Variants in PIP5K1C observed in about 807,000 individuals in gnomAD.
The protein encoded by PIP5K1C is phosphatidylinositol 4-phosphate 5-kinase type-1 gamma.
A neutral mutation model predicts 80.1 loss-of-function variants in PIP5K1C; 45 were observed. The observed-to-expected ratio is 0.56, with a 90% CI of 0.44 to 0.72. The LOEUF is 0.72. Among genes scored for constraint, PIP5K1C ranks in the 30% least tolerant of loss-of-function variants. The probability of loss-of-function intolerance (pLI) is 0.00; values close to 1 mark genes in which losing one functional copy is unlikely to be tolerated. For missense variants in PIP5K1C, 753 were observed against 954.6 expected (o/e 0.79, Z 2.78); for synonymous variants, 498 against 420.1 (o/e 1.19, Z -2.27).
At position 3,632,484 on chromosome 19, in the gene PIP5K1C, A is replaced by G. The variant is rs2033498347; in HGVS notation, c.*683T>C. 1 of 152,398 alleles carries G rather than the reference A, an allele frequency of 6.6e-6. No homozygotes were observed. Among genetic ancestry groups the G allele is most frequent in the African/African-American group, 2.4e-5 (1 of 41,452 alleles). 9.4% of individuals were successfully genotyped at this position (152,398 alleles called of 1,614,324 possible). ...GTGGTGGGTCTGGATTGGAGGCGCCAGAGGTTTTTGCTCGAGGGGCACCTG... is the reference window on the plus strand; with the variant it reads ...GTGGTGGGTCTGGATTGGAGGCGCCGGAGGTTTTTGCTCGAGGGGCACCTG... On this transcript the variant is annotated 3_prime_UTR_variant, in exon 18 of 18. Transcript: ENST00000335312.
At chr19:3,681,591 C>T (rs1278058371) in intron 1 of PIP5K1C, among the ~76,000 whole-genome samples, 2 of 152,094 alleles carry the variant, frequency 1.3e-5, no homozygotes, top group Non-Finnish European at 2.9e-5. Flanking sequence ...ACACACATCC[C>T]CCCGCGGGCT....
rs915052228 is a variant in PIP5K1C, at chr19:3,692,339, C to T, written c.94+7958G>A. ...TGCCGGCTCCCACCACGGCCCCCAACGCTCCCTACAGGGGCTCCTGGGGCC... is the reference window on the plus strand; with the variant it reads ...TGCCGGCTCCCACCACGGCCCCCAATGCTCCCTACAGGGGCTCCTGGGGCC... On this transcript the variant is annotated intron_variant, in intron 1 of 17. Transcript: ENST00000335312. This position sits in a 1 kb window ranked among gnomAD's most constrained non-coding sequence, Gnocchi z 5.2. 4.6e-5 allele frequency among the ~76,000 whole-genome samples: 7 copies of T among 152,166 alleles called. No individual in the cohort carries two copies. Among genetic ancestry groups the T allele is most frequent in the Non-Finnish European group, 8.8e-5 (6 of 68,018 alleles).
Position 3,637,376 on chromosome 19 carries a change from G to A in PIP5K1C, c.1920+1508C>T, listed in dbSNP as rs1393370416. On this transcript the variant is annotated intron_variant, in intron 16 of 17. Coordinates refer to ENST00000335312, the MANE Select transcript of PIP5K1C (RefSeq NM_012398.3). The surrounding 1 kb of genome is among the most constrained non-coding windows in gnomAD (Gnocchi z 7.0). ...GCATGCAGCCCAGCGCCTGGTCCGG[G>A]GCCAGCGTGGCTGACCTCAATTGCA... 1 of 1,535,304 alleles carries A rather than the reference G, an allele frequency of 6.5e-7. No individual in the cohort carries two copies. Among genetic ancestry groups the A allele is most frequent in the Admixed American group, 2.0e-5 (1 of 50,960 alleles).
At chr19:3,682,509 G>GC (rs1269727113) in intron 1 of PIP5K1C, among the ~76,000 whole-genome samples, 1 of 151,776 alleles carries the variant, frequency 6.6e-6, no homozygotes, top group East Asian at 1.9e-4. Context: ...GCAAGACATA[G>GC]CAAGACCCCA....
At chr19:3,636,798 G>A (rs1461724059) in intron 16 of PIP5K1C, 2 of 987,446 alleles carry the variant, frequency 2.0e-6, no homozygotes, top group African/African-American at 1.7e-5. Flanking sequence ...GGACACTCCT[G>A]CTTTGGGTCT....
chr19:3,687,189 G>C (rs569484594), intron 1 of PIP5K1C, among the ~76,000 whole-genome samples: 16 of 150,414 alleles, frequency 1.1e-4, no homozygotes, highest in Non-Finnish European at 2.1e-4. Flanking sequence ...GTGAGACTCC[G>C]ACTCAAAACA....
intron 1 of PIP5K1C, among the ~76,000 whole-genome samples, chr19:3,677,437 G>C (rs912246897): frequency 9.2e-5 from 14 of 151,950 alleles, no homozygotes; most frequent in Non-Finnish European, 2.1e-4. Context: ...ACAAAAATTA[G>C]GCGGGTGTGG....
In PIP5K1C at chr19:3,696,704, A is replaced by G. The variant is rs112571930; in HGVS notation, c.94+3593T>C. Reference sequence around the variant, plus strand: ...GGCCCATGGGCCTACAGCAGAGTGCAGACGGGAGGGCAGGGAGGGCAGAGT... The same window carrying G: ...GGCCCATGGGCCTACAGCAGAGTGCGGACGGGAGGGCAGGGAGGGCAGAGT... On this transcript the variant is annotated intron_variant, in intron 1 of 17. Coordinates refer to ENST00000335312, the MANE Select transcript of PIP5K1C (RefSeq NM_012398.3). The surrounding 1 kb of genome is among the most constrained non-coding windows in gnomAD (Gnocchi z 4.1). 0.019 allele frequency among the ~76,000 whole-genome samples: 2,278 copies of G among 120,370 alleles called. 69 individuals carry two copies. Among genetic ancestry groups the G allele is most frequent in the African/African-American group, 0.069 (2,087 of 30,074 alleles). 79.0% of individuals were successfully genotyped at this position (120,370 alleles called of 152,430 possible). A position where few individuals can be genotyped will look rare whatever the true frequency, so the allele number is the denominator to read the frequency against.
chr19:3,659,627 G>A (rs1222499163), intron 5 of PIP5K1C, among the ~76,000 whole-genome samples: 1 of 152,136 alleles, frequency 6.6e-6, no homozygotes, highest in African/African-American at 2.4e-5. Flanking sequence ...TCAGGCAAAC[G>A]CTGGGACACT....
Position 3,648,768 on chromosome 19 carries a change from G to T in PIP5K1C, c.1128-60C>A. On this transcript the variant is annotated intron_variant, in intron 8 of 17. Coordinates refer to ENST00000335312, the MANE Select transcript of PIP5K1C (RefSeq NM_012398.3). This position sits in a 1 kb window ranked among gnomAD's most constrained non-coding sequence, Gnocchi z 4.3. The stretch of plus-strand genomic sequence containing the variant: ...CGCAGAGCTGGGACTCGGGGCAGGC[G>T]GGGCTGGGGACTCCAGGGCTAGGGA... 6.8e-7 allele frequency: 1 copy of T among 1,462,048 alleles called. No individual in the cohort carries two copies. The highest frequency in any genetic ancestry group is 1.1e-5 in the South Asian group (1 of 87,644). The allele number at this position is 1,462,048 out of a possible 1,614,324, so 90.6% of individuals were successfully genotyped here. A position where few individuals can be genotyped will look rare whatever the true frequency, so the allele number is the denominator to read the frequency against.
chr19:3,697,280 C>T (rs2036149639), intron 1 of PIP5K1C, among the ~76,000 whole-genome samples: 1 of 111,134 alleles, frequency 9.0e-6, no homozygotes, highest in African/African-American at 3.6e-5. Context: ...AGGACCAAGC[C>T]GGATAGAGGA....
At position 3,648,909 on chromosome 19, in the gene PIP5K1C, C is replaced by T. The variant is rs569828176; in HGVS notation, c.1128-201G>A. ...CCCCAGCCTCAAACCCAGGCCCAGG[C>T]ACTGCTGAGGAGTCCCAGCTAGGAG... On this transcript the variant is annotated intron_variant, in intron 8 of 17. Transcript: ENST00000335312. This position sits in a 1 kb window ranked among gnomAD's most constrained non-coding sequence, Gnocchi z 4.3. 6.6e-6 allele frequency among the ~76,000 whole-genome samples: 1 copy of T among 152,146 alleles called. No individual in the cohort carries two copies. Among genetic ancestry groups the T allele is most frequent in the South Asian group, 2.1e-4 (1 of 4,834 alleles).
At chr19:3,679,776 C>G (rs759806719) in intron 1 of PIP5K1C, among the ~76,000 whole-genome samples, 7 of 152,196 alleles carry the variant, frequency 4.6e-5, no homozygotes. Flanking sequence ...GCAGTCAGGA[C>G]CTGCAGGGTT....
Position 3,633,150 on chromosome 19 carries a change from C to A in PIP5K1C, c.*17G>T, listed in dbSNP as rs370426870. 6 of 744,920 alleles carry A rather than the reference C, an allele frequency of 8.1e-6. No homozygotes were observed. The highest frequency in any genetic ancestry group is 1.2e-5 in the Non-Finnish European group (5 of 400,696). The allele number at this position is 744,920 out of a possible 1,614,324, so 46.1% of individuals were successfully genotyped here. ...GCAGAAGTGGAGCTCGGCTCTGGGT[C>A]GGGGGCTGCATAGAAATTACTGCAA... On this transcript the variant is annotated 3_prime_UTR_variant, in exon 18 of 18. Coordinates refer to ENST00000335312, the MANE Select transcript of PIP5K1C (RefSeq NM_012398.3).
Position 3,700,337 on chromosome 19 carries a change from G to C in PIP5K1C, c.54C>G (p.Pro18=), listed in dbSNP as rs1568369606. 18 of 1,296,092 alleles carry C rather than the reference G, an allele frequency of 1.4e-5. No homozygotes were observed. The highest frequency in any genetic ancestry group is 1.7e-5 in the Non-Finnish European group (17 of 1,005,484). 80.3% of individuals were successfully genotyped at this position (1,296,092 alleles called of 1,614,324 possible). The change falls in exon 1 of 18, where the codon CCC becomes CCG. Residue 18 remains proline (P), a synonymous_variant. Coordinates refer to ENST00000335312, the MANE Select transcript of PIP5K1C (RefSeq NM_012398.3). ...EAESAEAGAV[P]SEAAWAAESG... is the part of the protein sequence containing the mutation. ...TCTCTGCCGCCCACGCCGCCTCCGA[G>C]GGCACGGCCCCCGCCTCAGCGCTCT...
intron 1 of PIP5K1C, among the ~76,000 whole-genome samples, chr19:3,694,270 G>A (rs905098213): frequency 2.0e-5 from 3 of 150,898 alleles, no homozygotes; most frequent in Non-Finnish European, 4.4e-5. Flanking sequence ...AGAGGCACAC[G>A]GGTCTAAGCG....
At chr19:3,694,039 T>C (rs868296741) in intron 1 of PIP5K1C, among the ~76,000 whole-genome samples, 101 of 152,090 alleles carry the variant, frequency 6.6e-4, no homozygotes, top group African/African-American at 2.4e-3. Context: ...GGTGAAACCC[T>C]GTCTCTACTA....
At chr19:3,659,661 C>T (rs1274937068) in intron 5 of PIP5K1C, among the ~76,000 whole-genome samples, 2 of 151,982 alleles carry the variant, frequency 1.3e-5, no homozygotes, top group Admixed American at 1.3e-4. Context: ...TGGGCCTTGG[C>T]GACACGACCC....
At position 3,638,941 on chromosome 19, in the gene PIP5K1C, G is replaced by A. The variant is rs150938855; in HGVS notation, c.1863C>T (p.Gly621=). 1,210 of 1,612,296 alleles carry A rather than the reference G, an allele frequency of 7.5e-4. 13 individuals carry two copies. The East Asian group carries it at 0.022, about 30-fold the overall frequency. The part of the protein sequence containing the change: ...ETASQASDEE[G]APASQASDEE... ...CGTCCGAGGCCTGGCTGGCAGGTGC[G>A]CCCTCCTCGTCTGAGGCCTGGCTGG... Residue 621 remains glycine, a synonymous_variant, in exon 16 of 18, where the codon GGC becomes GGT. Transcript: ENST00000335312.
Sources: gnomAD v4.1 joint callset for allele counts (sites outside exome capture counted in the v4.1 genomes callset) on GRCh38, gnomAD v4.1.1 for gene constraint, Gnocchi (gnomAD v3.1) non-coding constraint, MANE v1.5 for transcripts, NCBI Gene and HGNC (gene_info 2026-07-23, HGNC 2026-07-21) for gene names.